GRIK3: variants seen among roughly 807,000 people sequenced by gnomAD.
GRIK3 encodes glutamate ionotropic receptor kainate type subunit 3, also known as glutamate receptor ionotropic, kainate 3.
A neutral mutation model predicts 102.5 loss-of-function variants in GRIK3; 29 were observed. The ratio of observed to expected loss-of-function variants is 0.28; its 90% CI spans 0.21 to 0.39. The LOEUF (loss-of-function observed/expected upper bound fraction) is 0.39. Ranked by LOEUF, GRIK3 falls within the 10% of genes least tolerant of loss-of-function variation. GRIK3 has a pLI of 1.00. For synonymous variants in GRIK3, 511 were observed against 504.9 expected, an observed-to-expected ratio of 1.01 and a Z score of -0.16; for missense variants, 908 against 1,252.4, an observed-to-expected ratio of 0.73 and a Z score of 4.15.
intron 15 of GRIK3, among the ~76,000 whole-genome samples, chr1:36,803,069 C>T (rs184892383): frequency 7.8e-4 from 119 of 152,066 alleles, no homozygotes; most frequent in African/African-American, 2.6e-3. Context: ...ATAATGAACA[C>T]GTGAACAAAT....
intron 5 of GRIK3, among the ~76,000 whole-genome samples, 182 bp downstream of exon 5, chr1:36,869,566 A>T (rs1640820743): frequency 6.6e-6 from 1 of 152,190 alleles, no homozygotes; most frequent in Non-Finnish European, 1.5e-5. Flanking sequence ...TTATAACATG[A>T]TGCTGCCTCT....
chr1:36,985,548 C>A (rs1412406907), intron 1 of GRIK3, among the ~76,000 whole-genome samples: 1 of 152,136 alleles, frequency 6.6e-6, no homozygotes, highest in African/African-American at 2.4e-5. Context: ...AGGTCCTTGT[C>A]CTGCTGGGCA....
chr1:36,968,962 T>A (rs1642111817), intron 1 of GRIK3, among the ~76,000 whole-genome samples: 1 of 152,180 alleles, frequency 6.6e-6, no homozygotes, highest in Admixed American at 6.5e-5. Context: ...GGCAAACTAA[T>A]TTGGGGGCCT....
Position 36,872,400 on chromosome 1 carries a change from G to A in GRIK3, c.551-31C>T, listed in dbSNP as rs1446272623. The A allele has an allele frequency of 1.4e-5, 21 of 1,517,574 alleles. No individual in the cohort carries two copies. Among genetic ancestry groups the A allele is most frequent in the East Asian group, 1.2e-4 (5 of 42,988 alleles). 94.0% of individuals were successfully genotyped at this position (1,517,574 alleles called of 1,614,324 possible). On this transcript the variant is annotated intron_variant, in intron 3 of 15. Transcript: ENST00000373091. This position sits in a 1 kb window ranked among gnomAD's most constrained non-coding sequence, Gnocchi z 5.9. ...GGGCCATGGAGCACAAAAGACACAC[G>A]TGTACCACATGTATCCACAGCTCCA...
rs543710016 is a variant in GRIK3, at chr1:36,821,399, G to A, written c.1755-1545C>T. 4.7e-4 allele frequency among the ~76,000 whole-genome samples: 71 copies of A among 152,322 alleles called. 1 individual carries two copies. In the South Asian group the frequency reaches 0.013, roughly 28 times the overall value. On this transcript the variant is annotated intron_variant, in intron 11 of 15. Transcript: ENST00000373091. ...GGAGAGCTGGGTGTCCAGAGCCCCC[G>A]CTTCCTCTACCACATCTAGGGAGAG...
At chr1:37,015,215 T>C (rs561126785) in intron 1 of GRIK3, among the ~76,000 whole-genome samples, 110 of 152,178 alleles carry the variant, frequency 7.2e-4, no homozygotes, top group African/African-American at 2.6e-3. Context: ...GGAGATGATG[T>C]GCTAAAGCAG....
chr1:37,014,597 C>A (rs778406574), intron 1 of GRIK3, among the ~76,000 whole-genome samples: 5 of 152,232 alleles, frequency 3.3e-5, no homozygotes, highest in Admixed American at 1.3e-4. Context: ...CAGGCAGGCA[C>A]AATCTTAAGC....
At chr1:36,896,868 T>C (rs1570786008) in intron 1 of GRIK3, among the ~76,000 whole-genome samples, 1 of 152,122 alleles carries the variant, frequency 6.6e-6, no homozygotes, top group African/African-American at 2.4e-5. Flanking sequence ...ATCAATATAA[T>C]ACATCATAGT....
intron 1 of GRIK3, among the ~76,000 whole-genome samples, chr1:36,964,573 T>G (rs1642060121): frequency 6.6e-6 from 1 of 152,232 alleles, no homozygotes. Flanking sequence ...TGTTCATCTT[T>G]TATAGTTTTC....
intron 1 of GRIK3, among the ~76,000 whole-genome samples, chr1:36,950,282 C>T (rs549169447): frequency 6.6e-6 from 1 of 152,284 alleles, no homozygotes; most frequent in East Asian, 1.9e-4. Context: ...TATAATCATT[C>T]CTGCTCACAA....
intron 1 of GRIK3, among the ~76,000 whole-genome samples, chr1:37,022,666 C>T (rs573714268): frequency 6.6e-6 from 1 of 152,318 alleles, no homozygotes; most frequent in East Asian, 1.9e-4. Flanking sequence ...TAACAACATC[C>T]TTCATAAAAT....
intron 1 of GRIK3, among the ~76,000 whole-genome samples, chr1:37,016,197 C>A (rs1400887291): frequency 6.6e-6 from 1 of 152,198 alleles, no homozygotes; most frequent in Admixed American, 6.5e-5. Flanking sequence ...TTATTAATTG[C>A]CAATTGTGGG....
chr1:36,806,425 C>CG lies in GRIK3; in HGVS notation c.2092-100dup. 1.5e-6 allele frequency: 1 copy of CG among 684,244 alleles called. No homozygotes were observed. The highest frequency in any genetic ancestry group is 2.5e-6 in the Non-Finnish European group (1 of 395,162). 42.4% of individuals were successfully genotyped at this position (684,244 alleles called of 1,614,324 possible). A position where few individuals can be genotyped will look rare whatever the true frequency, so the allele number is the denominator to read the frequency against. On this transcript the variant is annotated intron_variant, in intron 13 of 15. Transcript: ENST00000373091. This position sits in a 1 kb window ranked among gnomAD's most constrained non-coding sequence, Gnocchi z 4.0. ...ACAACGTGGGTTGGGGCCTTGAACTCGGTCTACAATCTTCAGAGAAAGGAA... is the reference window on the plus strand; with the variant it reads ...ACAACGTGGGTTGGGGCCTTGAACTCGGGTCTACAATCTTCAGAGAAAGGAA...
At chr1:36,924,692 A>C (rs1570801902) in intron 1 of GRIK3, among the ~76,000 whole-genome samples, 1 of 152,192 alleles carries the variant, frequency 6.6e-6, no homozygotes, top group African/African-American at 2.4e-5. Context: ...ACACTTCCAG[A>C]GGCCGTGCTC....
At chr1:36,896,764 A>G (rs767394310) in intron 1 of GRIK3, among the ~76,000 whole-genome samples, 10 of 152,176 alleles carry the variant, frequency 6.6e-5, no homozygotes, top group Non-Finnish European at 1.0e-4. Context: ...GTCTACAATA[A>G]ACCTATTTTA....
At chr1:36,893,493 AT>A (rs1356200587) in intron 1 of GRIK3, among the ~76,000 whole-genome samples, 1 of 152,180 alleles carries the variant, frequency 6.6e-6, no homozygotes, top group Non-Finnish European at 1.5e-5. Context: ...ATGAGATACC[AT>A]TTTTTGCCTA....
chr1:36,986,338 C>CCCATCCAT (rs374435133), intron 1 of GRIK3, among the ~76,000 whole-genome samples: 114 of 151,806 alleles, frequency 7.5e-4, no homozygotes, highest in African/African-American at 2.7e-3. Flanking sequence ...CATCTGTCCG[C>CCCATCCAT]CCATCCATCC....
intron 1 of GRIK3, among the ~76,000 whole-genome samples, chr1:37,022,954 G>T (rs535222011): frequency 6.6e-6 from 1 of 152,172 alleles, no homozygotes; most frequent in Non-Finnish European, 1.5e-5. Context: ...GACTCAGAAG[G>T]GGATGGAGGT....
chr1:36,889,434 G>T (rs1389648679), intron 2 of GRIK3, among the ~76,000 whole-genome samples: 1 of 152,120 alleles, frequency 6.6e-6, no homozygotes, highest in Non-Finnish European at 1.5e-5. Flanking sequence ...CCAAGCTGGG[G>T]CTAGACTGGA....
Sources: gnomAD v4.1 joint callset for allele counts (sites outside exome capture counted in the v4.1 genomes callset) on GRCh38, gnomAD v4.1.1 for gene constraint, Gnocchi (gnomAD v3.1) non-coding constraint, MANE v1.5 for transcripts, NCBI Gene and HGNC (gene_info 2026-07-23, HGNC 2026-07-21) for gene names.